NCOR1: variants seen among roughly 807,000 people sequenced by gnomAD.
NCOR1 encodes nuclear receptor corepressor 1.
Under a neutral mutation model 288.1 loss-of-function variants are expected in NCOR1, and 63 were observed. The ratio of observed to expected loss-of-function variants is 0.22; its 90% CI spans 0.18 to 0.27. NCOR1 has a LOEUF of 0.27. NCOR1 is among the 10% of genes least tolerant of loss of function. The pLI is 1.00. For missense variants in NCOR1, 2,397 were observed against 3,019.2 expected, an observed-to-expected ratio of 0.79 and a Z score of 4.83; for synonymous variants, 1,007 against 1,065.9, an observed-to-expected ratio of 0.94 and a Z score of 1.08.
intron 3 of NCOR1, among the ~76,000 whole-genome samples, chr17:16,179,557 C>A (rs2084939214): frequency 6.6e-6 from 1 of 152,122 alleles, no homozygotes; most frequent in Admixed American, 6.5e-5. Context: ...AAATATATAC[C>A]AACTCCTCCT....
At chr17:16,100,801 GTC>G (rs2067483261) in intron 20 of NCOR1, among the ~76,000 whole-genome samples, 1 of 152,190 alleles carries the variant, frequency 6.6e-6, no homozygotes, top group Non-Finnish European at 1.5e-5. Flanking sequence ...CACTGAACAT[GTC>G]TCTCTTTTCA....
rs550232189 is a variant in NCOR1, at chr17:16,099,976, A to C, written c.2690+1274T>G. On this transcript the variant is annotated intron_variant, in intron 20 of 45. Coordinates refer to ENST00000268712, the MANE Select transcript of NCOR1 (RefSeq NM_006311.4). ...GTACATAAGATATAAAATATATTGGATATGAACTGAAAATACAGTGACACC... is the reference window on the plus strand; with the variant it reads ...GTACATAAGATATAAAATATATTGGCTATGAACTGAAAATACAGTGACACC... Among the ~76,000 whole-genome samples, 5 of 152,314 alleles carry C rather than the reference A, an allele frequency of 3.3e-5. No homozygotes were observed. The South Asian group carries it at 1.0e-3, about 32-fold the overall frequency.
intron 4 of NCOR1, among the ~76,000 whole-genome samples, chr17:16,166,551 G>A (rs574539750): frequency 6.6e-6 from 1 of 152,042 alleles, no homozygotes; most frequent in South Asian, 2.1e-4. Flanking sequence ...GTGGTGGCGG[G>A]CACCTGTAGT....
chr17:16,203,811 T>C (rs2091168230), intron 1 of NCOR1, among the ~76,000 whole-genome samples: 1 of 152,196 alleles, frequency 6.6e-6, no homozygotes, highest in Non-Finnish European at 1.5e-5. Flanking sequence ...TGTGAAAATC[T>C]ATTGAGGGAC....
chr17:16,080,176 G>T, intron 25 of NCOR1, 112 bp from the exon 26 acceptor site: 1 of 898,174 alleles, frequency 1.1e-6, no homozygotes, highest in Non-Finnish European at 1.7e-6. Flanking sequence ...GAAAAAAGCA[G>T]CACAAAACCC....
rs2060048582 is a variant in NCOR1, at chr17:16,057,310, A to G, written c.6392+204T>C. ...AATAGAATATAATCATCTTTTGAAT[A>G]TACATTAAAAAGTCATAGTACCAAA... is the stretch of plus-strand genomic sequence containing the variant. On this transcript the variant is annotated intron_variant, in intron 40 of 45. Coordinates refer to ENST00000268712, the MANE Select transcript of NCOR1 (RefSeq NM_006311.4). 3 of 577,880 alleles carry G rather than the reference A, an allele frequency of 5.2e-6. No homozygotes were observed. The Admixed American group carries it at 9.1e-5, about 18-fold the overall frequency. The allele number at this position is 577,880 out of a possible 1,614,324, so 35.8% of individuals were successfully genotyped here.
At chr17:16,039,385 G>A (rs767001291) in intron 44 of NCOR1, 48 bp downstream of exon 44, 2 of 1,571,124 alleles carry the variant, frequency 1.3e-6, no homozygotes, top group African/African-American at 1.4e-5. Flanking sequence ...AAATAAACTG[G>A]CTTTTTTGGG....
At chr17:16,057,398 C>G in intron 40 of NCOR1, 116 bp downstream of exon 40, 1 of 1,012,104 alleles carries the variant, frequency 9.9e-7, no homozygotes, top group Non-Finnish European at 1.5e-6. Flanking sequence ...TTACACTTTC[C>G]TGGGAATAAA....
chr17:16,152,025 A>G (rs1338713756), intron 7 of NCOR1, 27 bp from the exon 8 acceptor site: 16 of 1,497,318 alleles, frequency 1.1e-5, no homozygotes, highest in Non-Finnish European at 1.5e-5. Context: ...ATATTTATGT[A>G]TAAAATGTTG....
intron 19 of NCOR1, among the ~76,000 whole-genome samples, chr17:16,105,874 C>T (rs145520368): frequency 2.0e-5 from 3 of 152,098 alleles, no homozygotes; most frequent in Admixed American, 6.5e-5. Context: ...CCAAGGCAGG[C>T]GGAACACCTG....
chr17:16,134,634 G>A lies in NCOR1; in HGVS notation c.1509+2677C>T, dbSNP rs560297170. 2.6e-5 allele frequency among the ~76,000 whole-genome samples: 4 copies of A among 152,202 alleles called. No homozygotes were observed. The South Asian group carries it at 6.2e-4, about 24-fold the overall frequency. On this transcript the variant is annotated intron_variant, in intron 14 of 45. Transcript: ENST00000268712. ...TCCCAGACAACTTTAGGAAAGAAAC[G>A]ACTGTTTCAGAATAACAAACATCCG...
chr17:16,032,182 A>G lies in NCOR1; in HGVS notation c.*114T>C. 1 of 1,065,338 alleles carries G rather than the reference A, an allele frequency of 9.4e-7. No homozygotes were observed. The highest frequency in any genetic ancestry group is 1.3e-6 in the Non-Finnish European group (1 of 772,774). The allele number at this position is 1,065,338 out of a possible 1,614,324, so 66.0% of individuals were successfully genotyped here. On this transcript the variant is annotated 3_prime_UTR_variant, in exon 46 of 46. Coordinates refer to ENST00000268712, the MANE Select transcript of NCOR1 (RefSeq NM_006311.4). ...CATCATCTGTGGGCTGGCTCTCCTG[A>G]AAAGTCTCAGGGAATAAGTCACAGG...
At chr17:16,130,492 T>G (rs2075425593) in intron 14 of NCOR1, among the ~76,000 whole-genome samples, 1 of 152,178 alleles carries the variant, frequency 6.6e-6, no homozygotes. Flanking sequence ...GTTTTTCCTT[T>G]TCTCCCCTTC....
chr17:16,074,517 A>G (rs557808168), intron 27 of NCOR1, among the ~76,000 whole-genome samples: 3 of 152,370 alleles, frequency 2.0e-5, no homozygotes, highest in African/African-American at 7.2e-5. Flanking sequence ...CCCAAAAACA[A>G]AATGTGAATC....
At chr17:16,206,577 G>T (rs568941084) in intron 1 of NCOR1, among the ~76,000 whole-genome samples, 3 of 152,168 alleles carry the variant, frequency 2.0e-5, no homozygotes, top group East Asian at 1.9e-4. Context: ...GTAGAGATAG[G>T]GTTTCACCAT....
chr17:16,057,924 G>A lies in NCOR1; in HGVS notation c.6151C>T (p.Leu2051Phe). 1 of 1,610,760 alleles carries A rather than the reference G, an allele frequency of 6.2e-7. No homozygotes were observed. Among genetic ancestry groups the A allele is most frequent in the Non-Finnish European group, 8.5e-7 (1 of 1,178,180 alleles). The change falls in exon 39 of 46, where the codon CTT becomes TTT. Residue 2051 changes from leucine (L) to phenylalanine (F), a missense_variant. Leu to Phe is a conservative substitution (Grantham distance 22). Around this residue, in one of 11 missense-constraint regions of NCOR1, gnomAD observed 1,872 missense variants for 2,187.8 expected, o/e 0.86. Coordinates refer to ENST00000268712, the MANE Select transcript of NCOR1 (RefSeq NM_006311.4). ...AAACTTACACAGATGTGATCAGCAA[G>A]TGTGATCAGCCGATGGGTCCTGGGC... Reference protein sequence around the residue: ...QVPRTHRLITLADHICQIITQ... With the variant: ...QVPRTHRLITFADHICQIITQ...
Position 16,137,294 on chromosome 17 carries a change from C to T in NCOR1, c.1509+17G>A. ...CCCCAATCCTGAAATATCTTCCATA[C>T]AAGTAAGAAAACACACCTGGTTTCT... On this transcript the variant is annotated intron_variant, in intron 14 of 45. Transcript: ENST00000268712. The T allele has an allele frequency of 6.5e-7, 1 of 1,532,414 alleles. No individual in the cohort carries two copies. The highest frequency in any genetic ancestry group is 2.3e-5 in the East Asian group (1 of 43,884). 94.9% of individuals were successfully genotyped at this position (1,532,414 alleles called of 1,614,324 possible).
At chr17:16,058,393 A>C in intron 38 of NCOR1, 78 bp downstream of exon 38, 15 of 1,478,472 alleles carry the variant, frequency 1.0e-5, no homozygotes, top group African/African-American at 1.4e-5. Flanking sequence ...AATTCTTACT[A>C]TGGTCTAGAC....
intron 3 of NCOR1, among the ~76,000 whole-genome samples, chr17:16,183,799 AAAAC>A (rs2153516257): frequency 6.6e-6 from 1 of 152,306 alleles, no homozygotes; most frequent in South Asian, 2.1e-4. Context: ...CTGAAAAAGA[AAAAC>A]AAAGAGACAT....
Sources: gnomAD v4.1 joint callset for allele counts (sites outside exome capture counted in the v4.1 genomes callset) on GRCh38, gnomAD v4.1.1 for gene constraint, gnomAD v4.1.1 regional missense constraint, MANE v1.5 for transcripts, NCBI Gene and HGNC (gene_info 2026-07-23, HGNC 2026-07-21) for gene names.